Variants in OCA2 observed in about 807,000 individuals in gnomAD.
OCA2 encodes the protein OCA2 melanosomal transmembrane protein.
OCA2 carries 77 observed loss-of-function variants against 100.2 expected under a neutral mutation model. The observed-to-expected ratio is 0.77, with a 90% CI of 0.64 to 0.93. The LOEUF is 0.93. Ranked by LOEUF, OCA2 falls within the 40% of genes least tolerant of loss-of-function variation. The probability of loss-of-function intolerance (pLI) is 0.00; values close to 1 mark genes in which losing one functional copy is unlikely to be tolerated. For missense variants in OCA2, 1,062 were observed against 1,089.1 expected (o/e 0.98, Z 0.35); for synonymous variants, 432 against 439.2 (o/e 0.98, Z 0.21).
At chr15:27,762,424 C>T (rs550026574) in intron 23 of OCA2, among the ~76,000 whole-genome samples, 1 of 152,324 alleles carries the variant, frequency 6.6e-6, no homozygotes, top group African/African-American at 2.4e-5. Flanking sequence ...TAAGCAACAT[C>T]CTAACATAAA....
rs191742275 is a variant in OCA2, at chr15:27,858,030, A to G, written c.2245-6555T>C. On this transcript the variant is annotated intron_variant, in intron 21 of 23. Coordinates refer to ENST00000354638, the MANE Select transcript of OCA2 (RefSeq NM_000275.3). ...AAAAATCAACTAAATACAAAAAAAA[A>G]AGGCAGTAATGGAGAAACTGAGAAA... Among the ~76,000 whole-genome samples the G allele has an allele frequency of 4.6e-5, 7 of 152,334 alleles. No individual in the cohort carries two copies. The East Asian group carries it at 5.8e-4, about 13-fold the overall frequency.
At chr15:27,916,369 A>G (rs1261815519) in intron 19 of OCA2, among the ~76,000 whole-genome samples, 3 of 152,152 alleles carry the variant, frequency 2.0e-5, no homozygotes, top group Non-Finnish European at 4.4e-5. Context: ...GAAAAAAAAG[A>G]CATTTCCTGC....
intron 23 of OCA2, among the ~76,000 whole-genome samples, chr15:27,770,927 T>TTTTTC (rs1566949427): frequency 2.4e-5 from 3 of 125,168 alleles, no homozygotes; most frequent in Middle Eastern, 0.01. Flanking sequence ...CCCTCCCTCT[T>TTTTTC]TTCCTTTCTT....
intron 2 of OCA2, among the ~76,000 whole-genome samples, chr15:28,061,998 T>C (rs2043886539): frequency 6.6e-6 from 1 of 152,232 alleles, no homozygotes; most frequent in Admixed American, 6.5e-5. Flanking sequence ...GCTTCTTTCT[T>C]TGGCCATTAG....
At chr15:27,960,719 A>G (rs1309807583) in intron 15 of OCA2, among the ~76,000 whole-genome samples, 1 of 152,124 alleles carries the variant, frequency 6.6e-6, no homozygotes, top group Non-Finnish European at 1.5e-5. Flanking sequence ...CCTGGCCAAT[A>G]TGGTGAAACT....
At chr15:27,941,199 AG>A (rs1322796693) in intron 18 of OCA2, among the ~76,000 whole-genome samples, 1 of 152,246 alleles carries the variant, frequency 6.6e-6, no homozygotes, top group Non-Finnish European at 1.5e-5. Flanking sequence ...TAGAATCTTA[AG>A]GGTAATGACC....
intron 10 of OCA2, among the ~76,000 whole-genome samples, chr15:27,990,127 C>T (rs1327539194): frequency 1.3e-5 from 2 of 152,184 alleles, no homozygotes; most frequent in Non-Finnish European, 2.9e-5. Flanking sequence ...ATGTCCCTGC[C>T]AGAGAGGCCC....
chr15:27,880,572 A>T (rs1362045209), intron 19 of OCA2, among the ~76,000 whole-genome samples: 1 of 152,072 alleles, frequency 6.6e-6, no homozygotes, highest in African/African-American at 2.4e-5. Flanking sequence ...GAAGTCCTTC[A>T]CTTCCCTTGT....
chr15:27,973,730 G>T (rs1178539262), intron 14 of OCA2, among the ~76,000 whole-genome samples: 8 of 152,102 alleles, frequency 5.3e-5, no homozygotes, highest in African/African-American at 1.7e-4. Context: ...AAATGATATT[G>T]GCATTTTGAT....
chr15:28,034,990 G>C (rs2043007755), intron 2 of OCA2, among the ~76,000 whole-genome samples: 1 of 152,176 alleles, frequency 6.6e-6, no homozygotes, highest in Non-Finnish European at 1.5e-5. Context: ...CCAGGAGAGT[G>C]GAGGCGCTAT....
chr15:27,956,023 T>C (rs1393734546), intron 16 of OCA2, among the ~76,000 whole-genome samples: 16 of 152,152 alleles, frequency 1.1e-4, no homozygotes. Context: ...GTCGAATGAT[T>C]CTGAGGACAA....
At chr15:28,008,474 G>T (rs1260458752) in intron 9 of OCA2, among the ~76,000 whole-genome samples, 1 of 151,968 alleles carries the variant, frequency 6.6e-6, no homozygotes, top group Non-Finnish European at 1.5e-5. Flanking sequence ...TTCCTTTGTT[G>T]TCCTCTGCCT....
chr15:27,766,445 A>G (rs925298487), intron 23 of OCA2, among the ~76,000 whole-genome samples: 7 of 152,126 alleles, frequency 4.6e-5, no homozygotes, highest in Non-Finnish European at 1.5e-5. Flanking sequence ...TATGAAGGAC[A>G]CTGACACCGC....
rs73377763 is a variant in OCA2 at position 28,066,754 on chromosome 15, T to C, written c.227+14894A>G. 8.6e-3 allele frequency among the ~76,000 whole-genome samples: 1,307 copies of C among 152,288 alleles called. 25 individuals are homozygous for C. Among genetic ancestry groups the C allele is most frequent in the African/African-American group, 0.03 (1,239 of 41,574 alleles). ...GAGAGTCTAGCACCTTTTAAAGGTCTAAACAGGAGACATTTGCCATCTATT... is the reference window on the plus strand; with the variant it reads ...GAGAGTCTAGCACCTTTTAAAGGTCCAAACAGGAGACATTTGCCATCTATT... On this transcript the variant is annotated intron_variant, in intron 2 of 23. Coordinates refer to ENST00000354638, the MANE Select transcript of OCA2 (RefSeq NM_000275.3).
intron 23 of OCA2, among the ~76,000 whole-genome samples, chr15:27,757,766 G>A (rs2030502995): frequency 6.6e-6 from 1 of 152,168 alleles, no homozygotes; most frequent in Non-Finnish European, 1.5e-5. Flanking sequence ...CACATAATGA[G>A]CCCTCAACAA....
chr15:27,930,073 C>T (rs1189077585), intron 18 of OCA2, among the ~76,000 whole-genome samples: 1 of 152,088 alleles, frequency 6.6e-6, no homozygotes, highest in East Asian at 1.9e-4. Flanking sequence ...CGGAAAACAG[C>T]GTGGCAGTTT....
chr15:28,047,522 T>C (rs2058452172), intron 2 of OCA2, among the ~76,000 whole-genome samples: 1 of 152,226 alleles, frequency 6.6e-6, no homozygotes, highest in South Asian at 2.1e-4. Context: ...CCACTTGTTA[T>C]GTCTTCCTGC....
At chr15:27,828,258 C>G (rs983114508) in intron 23 of OCA2, among the ~76,000 whole-genome samples, 7 of 152,182 alleles carry the variant, frequency 4.6e-5, no homozygotes, top group African/African-American at 1.4e-4. Flanking sequence ...CCAGCTGTCC[C>G]TGTCGGGGAC....
chr15:28,052,715 CT>C (rs2043554871), intron 2 of OCA2, among the ~76,000 whole-genome samples: 1 of 152,218 alleles, frequency 6.6e-6, no homozygotes, highest in Admixed American at 6.5e-5. Context: ...TCACAGAGGT[CT>C]AATGCCCTGC....
Sources: allele counts gnomAD v4.1 joint callset (sites outside exome capture counted in the v4.1 genomes callset), GRCh38; gene constraint gnomAD v4.1.1; transcripts MANE v1.5; gene names NCBI Gene and HGNC (gene_info 2026-07-23, HGNC 2026-07-21).